Variants in FES observed in about 807,000 individuals in gnomAD.
FES encodes the protein tyrosine-protein kinase Fes/Fps.
In FES, 83 loss-of-function variants were observed where a neutral mutation model predicts 109.6. The ratio of observed to expected loss-of-function variants is 0.76; its 90% CI spans 0.63 to 0.91. FES has a LOEUF of 0.91. Ranked by LOEUF, FES falls within the 40% of genes least tolerant of loss-of-function variation. The probability of loss-of-function intolerance (pLI) is 0.00; values close to 1 mark genes in which losing one functional copy is unlikely to be tolerated. For missense variants in FES, 943 were observed against 1,070.9 expected (o/e 0.88, Z 1.67); for synonymous variants, 458 against 442.1 (o/e 1.04, Z -0.45).
intron 4 of FES, 48 bp downstream of exon 4, chr15:90,887,105 G>T (rs2032717382): frequency 6.2e-7 from 1 of 1,613,504 alleles, no homozygotes; most frequent in South Asian, 1.1e-5. Flanking sequence ...AGCCAGTGCT[G>T]ACCTGTCCTT....
At position 90,889,824 on chromosome 15, in the gene FES, C is replaced by T; in HGVS notation, c.927-16C>T. ...AGGAGGGCTCGGTTCTAATGCTGCC[C>T]TTCTCTTGGGTGCAGGCTGACCTCA... On this transcript the variant is annotated splice_polypyrimidine_tract_variant and intron_variant, in intron 7 of 18. Transcript: ENST00000328850. The surrounding 1 kb of genome is among the most constrained non-coding windows in gnomAD (Gnocchi z 6.1). 3 of 1,613,498 alleles carry T rather than the reference C, an allele frequency of 1.9e-6. No individual in the cohort carries two copies. The South Asian group carries it at 3.3e-5, about 18-fold the overall frequency.
At chr15:90,887,652 G>T (rs1469295043) in intron 5 of FES, among the ~76,000 whole-genome samples, 2 of 152,192 alleles carry the variant, frequency 1.3e-5, no homozygotes, top group Non-Finnish European at 2.9e-5. Context: ...CTGTCCTCAG[G>T]GATCTTTCGT....
Position 90,891,159 on chromosome 15 carries a change from C to G in FES, c.1498C>G (p.Leu500Val), listed in dbSNP as rs370487535. 1.3e-6 allele frequency: 2 copies of G among 1,565,812 alleles called. No individual in the cohort carries two copies. Among genetic ancestry groups the G allele is most frequent in the South Asian group, 1.2e-5 (1 of 85,420 alleles). ...CGTGCTGTCGGTGCTGTGGGATGGT[C>G]TGCCCCGGCACTTCATCATCCAGTC... ...EYVLSVLWDG[L>V]PRHFIIQSLD... Residue 500 changes from leucine to valine, a missense_variant, in exon 11 of 19, where the codon CTG (leucine) becomes GTG (valine). Transcript: ENST00000328850.
In FES at chr15:90,893,725, G is replaced by A. The variant is rs749457152; in HGVS notation, c.2117G>A (p.Arg706Gln). 1.2e-6 allele frequency: 2 copies of A among 1,612,122 alleles called. No homozygotes were observed. Among genetic ancestry groups the A allele is most frequent in the East Asian group, 2.2e-5 (1 of 44,864 alleles). Residue 706 changes from arginine to glutamine, a missense_variant, in exon 17 of 19, where the codon CGA (arginine) becomes CAA (glutamine). By Grantham distance (43) the Arg-to-Gln change is conservative. Transcript: ENST00000328850. ...VLKISDFGMSREEADGVYAAS... is the reference protein window; with the variant it reads ...VLKISDFGMSQEEADGVYAAS... The stretch of plus-strand genomic sequence containing the variant: ...AAGATCAGTGACTTTGGGATGTCCC[G>A]AGAGGAAGCCGATGGGGTCTATGCA...
At chr15:90,885,634 C>G (rs773572605) in intron 3 of FES, 49 bp downstream of exon 3, 1 of 1,582,598 alleles carries the variant, frequency 6.3e-7, no homozygotes. Flanking sequence ...AAATTTTGAG[C>G]CTCGAAGGGG....
chr15:90,893,505 G>GCAT, intron 16 of FES, 91 bp downstream of exon 16: 4 of 1,496,316 alleles, frequency 2.7e-6, no homozygotes, highest in Non-Finnish European at 3.6e-6. Flanking sequence ...GGACCATCAG[G>GCAT]CATCAGCTCC....
rs751786277 is a variant in FES at position 90,892,777 on chromosome 15, G to A, written c.1778G>A (p.Arg593Gln). Residue 593 changes from arginine to glutamine, a missense_variant, in exon 14 of 19, where the codon CGA (arginine) becomes CAA (glutamine). Transcript: ENST00000328850. ...ACCCTGGTGGCGGTGAAGTCTTGTC[G>A]AGAGACGCTCCCACCTGACCTCAAG... ...DNTLVAVKSCRETLPPDLKAK... is the reference protein window; with the variant it reads ...DNTLVAVKSCQETLPPDLKAK... 3.7e-5 allele frequency: 60 copies of A among 1,613,680 alleles called. No individual in the cohort carries two copies. Among genetic ancestry groups the A allele is most frequent in the Non-Finnish European group, 4.8e-5 (57 of 1,179,962 alleles).
rs555328296 is a variant in FES, at chr15:90,890,809, G to C, written c.1321-173G>C. ...GCTTCCCTTCCCAGCTCTGCCCAGC[G>C]TGAGCCTGGGCCAGTCCAGTGCCCA... On this transcript the variant is annotated intron_variant, in intron 10 of 18. Coordinates refer to ENST00000328850, the MANE Select transcript of FES (RefSeq NM_002005.4). Among the ~76,000 whole-genome samples, 20 of 152,156 alleles carry C rather than the reference G, an allele frequency of 1.3e-4. 1 individual carries two copies. The South Asian group carries it at 3.9e-3, about 30-fold the overall frequency.
At chr15:90,886,383 C>A (rs2032624156) in intron 3 of FES, among the ~76,000 whole-genome samples, 1 of 152,234 alleles carries the variant, frequency 6.6e-6, no homozygotes, top group Non-Finnish European at 1.5e-5. Context: ...TATTTACTAT[C>A]TGGCCCTTTA....
rs777647397 is a variant in FES at position 90,892,045 on chromosome 15, C to G, written c.1654-13C>G. On this transcript the variant is annotated splice_polypyrimidine_tract_variant and intron_variant, in intron 12 of 18. Coordinates refer to ENST00000328850, the MANE Select transcript of FES (RefSeq NM_002005.4). ...CTTCAGACTTCTGATCCCCTGTCTCCTCTCTTCCCCAGGACAAGTGGGTGC... is the reference window on the plus strand; with the variant it reads ...CTTCAGACTTCTGATCCCCTGTCTCGTCTCTTCCCCAGGACAAGTGGGTGC... 4 of 1,614,134 alleles carry G rather than the reference C, an allele frequency of 2.5e-6. No homozygotes were observed. In the East Asian group the frequency reaches 8.9e-5, roughly 36 times the overall value.
intron 11 of FES, 71 bp from the exon 12 acceptor site, chr15:90,891,483 C>G (rs780493649): frequency 2.5e-6 from 4 of 1,604,954 alleles, no homozygotes; most frequent in South Asian, 2.2e-5. Flanking sequence ...CTGCTGCTCT[C>G]CCTTTCCCCC....
In FES at chr15:90,887,208, A is replaced by G. The variant is rs747663762; in HGVS notation, c.506A>G (p.Lys169Arg). ...GCAGACAAGGACCGTGACAAGGCTA[A>G]GGACAAGTATGTGCGCAGCCTGTGG... ...ASKDKDRDKA[K>R]DKYVRSLWKL... is the part of the protein sequence containing the mutation. Residue 169 changes from lysine to arginine, a missense_variant, in exon 5 of 19, where the codon AAG becomes AGG. Transcript: ENST00000328850. 1 of 1,613,412 alleles carries G rather than the reference A, an allele frequency of 6.2e-7. No individual in the cohort carries two copies. Among genetic ancestry groups the G allele is most frequent in the Non-Finnish European group, 8.5e-7 (1 of 1,179,792 alleles).
intron 9 of FES, 42 bp downstream of exon 9, chr15:90,890,320 C>G (rs985403005): frequency 6.3e-7 from 1 of 1,589,282 alleles, no homozygotes; most frequent in South Asian, 1.1e-5. Context: ...CACCGGCCTG[C>G]CCACCTGGGG....
At position 90,889,527 on chromosome 15, in the gene FES, G is replaced by A. The variant is rs759174368; in HGVS notation, c.817G>A (p.Asp273Asn). Residue 273 changes from aspartate (D) to asparagine (N), a missense_variant, in exon 7 of 19, where the codon GAC (aspartate) becomes AAC (asparagine). Physicochemically the swap from Asp to Asn is conservative, Grantham distance 23. Coordinates refer to ENST00000328850, the MANE Select transcript of FES (RefSeq NM_002005.4). This position sits in a 1 kb window ranked among gnomAD's most constrained non-coding sequence, Gnocchi z 6.1. Reference sequence around the variant, plus strand: ...CGCTGTCCCCCACAGGTCCGCACCTGACGTCCCACCCTGTGTCACGTTCGA... The same window carrying A: ...CGCTGTCCCCCACAGGTCCGCACCTAACGTCCCACCCTGTGTCACGTTCGA... ...GFLRQYGSAP[D>N]VPPCVTFDES... 1 of 1,613,876 alleles carries A rather than the reference G, an allele frequency of 6.2e-7. No individual in the cohort carries two copies. Among genetic ancestry groups the A allele is most frequent in the African/African-American group, 1.3e-5 (1 of 75,030 alleles).
intron 15 of FES, 33 bp downstream of exon 15, chr15:90,893,227 G>A (rs1321368335): frequency 2.5e-6 from 4 of 1,613,312 alleles, no homozygotes; most frequent in East Asian, 2.2e-5. Context: ...CAGGTAGGGC[G>A]CGCAGCCTGG....
rs539400739 is a variant in FES, at chr15:90,885,702, C to T, written c.387+117C>T. On this transcript the variant is annotated intron_variant, in intron 3 of 18. Coordinates refer to ENST00000328850, the MANE Select transcript of FES (RefSeq NM_002005.4). ...GGAAGTGTAAGTCCCTGACCGCAGG[C>T]CTGGCTTGCTCTAACCTTGATGCAG... is the stretch of plus-strand genomic sequence containing the variant. 2.7e-6 allele frequency: 4 copies of T among 1,454,874 alleles called. 1 individual carries two copies. Among genetic ancestry groups the T allele is most frequent in the Middle Eastern group, 4.3e-4 (2 of 4,640 alleles). The allele number at this position is 1,454,874 out of a possible 1,614,324, so 90.1% of individuals were successfully genotyped here. A position where few individuals can be genotyped will look rare whatever the true frequency, so the allele number is the denominator to read the frequency against.
Position 90,893,318 on chromosome 15 carries a change from C to G in FES, c.1949C>G (p.Thr650Arg). The G allele has an allele frequency of 1.3e-6, 2 of 1,565,362 alleles. No individual in the cohort carries two copies. Among genetic ancestry groups the G allele is most frequent in the Non-Finnish European group, 8.6e-7 (1 of 1,157,250 alleles). ...GGCGACTTCCTGACCTTCCTCCGCA[C>G]GGAGGGGGCCCGCCTGCGGGTGAAG... The part of the protein sequence containing the change: ...QGGDFLTFLR[T>R]EGARLRVKTL... The change falls in exon 16 of 19, where the codon ACG (threonine) becomes AGG (arginine). Residue 650 changes from threonine (T) to arginine (R), a missense_variant. Transcript: ENST00000328850.
Position 90,893,359 on chromosome 15 carries a change from G to A in FES, c.1990G>A (p.Val664Met), listed in dbSNP as rs757770224. The stretch of plus-strand genomic sequence containing the variant: ...GCGGGTGAAGACTCTGCTGCAGATG[G>A]TGGGGGATGCAGCTGCTGGCATGGA... ...RLRVKTLLQMVGDAAAGMEYL... is the reference protein window; with the variant it reads ...RLRVKTLLQMMGDAAAGMEYL... Residue 664 changes from valine (V) to methionine (M), a missense_variant, in exon 16 of 19, where the codon GTG (valine) becomes ATG (methionine). Coordinates refer to ENST00000328850, the MANE Select transcript of FES (RefSeq NM_002005.4). 1.3e-6 allele frequency: 2 copies of A among 1,566,164 alleles called. No homozygotes were observed. The highest frequency in any genetic ancestry group is 1.7e-6 in the Non-Finnish European group (2 of 1,156,336).
intron 16 of FES, 77 bp downstream of exon 16, chr15:90,893,491 C>A: frequency 6.7e-7 from 1 of 1,501,384 alleles, no homozygotes. Flanking sequence ...TAGGGCCCCC[C>A]GCTGGACCAT....
Sources: gnomAD v4.1 joint callset for allele counts (sites outside exome capture counted in the v4.1 genomes callset) on GRCh38, gnomAD v4.1.1 for gene constraint, Gnocchi (gnomAD v3.1) non-coding constraint, MANE v1.5 for transcripts, NCBI Gene and HGNC (gene_info 2026-07-23, HGNC 2026-07-21) for gene names.